FBXL13: variants seen among roughly 807,000 people sequenced by gnomAD.
The protein encoded by FBXL13 is F-box and leucine-rich repeat protein 13.
In FBXL13, 67 loss-of-function variants were observed where a neutral mutation model predicts 83.6. That is an observed-to-expected ratio of 0.80 (90% CI 0.66 to 0.98). FBXL13 has a LOEUF of 0.98. Ranked by LOEUF, FBXL13 falls within the 50% of genes least tolerant of loss-of-function variation. FBXL13 has a pLI of 0.00. For synonymous variants in FBXL13, 272 were observed against 299.5 expected (o/e 0.91, Z 0.95); for missense variants, 822 against 866.5 (o/e 0.95, Z 0.64).
At chr7:103,032,677 G>A (rs1486119595) in intron 2 of FBXL13, among the ~76,000 whole-genome samples, 1 of 152,176 alleles carries the variant, frequency 6.6e-6, no homozygotes, top group Non-Finnish European at 1.5e-5. Context: ...AGGTGTGGAG[G>A]TGGGATAACA....
chr7:102,914,928 G>C (rs1276605488), intron 10 of FBXL13, among the ~76,000 whole-genome samples: 2 of 152,068 alleles, frequency 1.3e-5, no homozygotes, highest in African/African-American at 4.8e-5. Context: ...GGCACACCAG[G>C]GTGTCATTTC....
intron 6 of FBXL13, 138 bp from the exon 8 acceptor site, chr7:102,968,255 T>C (rs1236552400): frequency 7.0e-6 from 4 of 572,386 alleles, no homozygotes; most frequent in Non-Finnish European, 1.2e-5. Flanking sequence ...ATCCATACTT[T>C]GCAAATAGCA....
exon 20 of FBXL13, chr7:102,813,466 C>T (rs1324789782): frequency 6.8e-6 from 11 of 1,614,026 alleles, no homozygotes; most frequent in Admixed American, 1.7e-5. Flanking sequence ...GCCAAACCAA[C>T]GTGGAGGGTC....
At chr7:103,005,865 A>C (rs1399573845) in intron 6 of FBXL13, among the ~76,000 whole-genome samples, 2 of 152,194 alleles carry the variant, frequency 1.3e-5, no homozygotes, top group East Asian at 3.8e-4. Flanking sequence ...CTGAAAAAAA[A>C]AGAAGAGACC....
At chr7:102,866,148 T>C (rs992484333) in intron 16 of FBXL13, among the ~76,000 whole-genome samples, 1 of 152,170 alleles carries the variant, frequency 6.6e-6, no homozygotes, top group Non-Finnish European at 1.5e-5. Context: ...GAAGGAAAAT[T>C]GGCATCTCTG....
chr7:102,891,269 C>G (rs1393340110), intron 11 of FBXL13, among the ~76,000 whole-genome samples: 1 of 152,218 alleles, frequency 6.6e-6, no homozygotes, highest in Non-Finnish European at 1.5e-5. Flanking sequence ...ATCCCCATCT[C>G]TATGGTCTGA....
At chr7:103,074,710 GA>G, upstream of FBXL13, 2 of 1,289,818 alleles carry the variant, frequency 1.6e-6, no homozygotes, top group Non-Finnish European at 2.0e-6. Context: ...CAGACCTGAG[GA>G]ATGTAGTTCT....
At chr7:102,870,120 G>C (rs977588853) in intron 16 of FBXL13, among the ~76,000 whole-genome samples, 7 of 152,114 alleles carry the variant, frequency 4.6e-5, no homozygotes, top group Admixed American at 1.3e-4. Context: ...TATTCAATTA[G>C]AGTTCTTCTT....
intron 1 of FBXL13, among the ~76,000 whole-genome samples, chr7:103,069,806 C>T (rs1000595413): frequency 4.6e-5 from 7 of 152,196 alleles, no homozygotes; most frequent in African/African-American, 9.7e-5. Context: ...GGGCTGGGCG[C>T]GGTGGCCCAC....
intron 16 of FBXL13, among the ~76,000 whole-genome samples, chr7:102,857,199 C>T (rs1806162563): frequency 6.7e-6 from 1 of 148,532 alleles, no homozygotes; most frequent in Non-Finnish European, 1.5e-5. Context: ...GCTAAGACTT[C>T]AAAACCACAG....
chr7:103,070,378 T>A (rs1798831519), intron 1 of FBXL13, among the ~76,000 whole-genome samples: 1 of 152,004 alleles, frequency 6.6e-6, no homozygotes, highest in African/African-American at 2.4e-5. Context: ...ATTACAGGCG[T>A]GCACCACACC....
chr7:102,813,106 CTAGGA>C (rs567260206), downstream of FBXL13: 5,137 of 397,272 alleles, frequency 0.013, 46 homozygotes, highest in Non-Finnish European at 0.019. Context: ...TACCAAAGTG[CTAGGA>C]TTACAGGTGT....
chr7:102,852,120 C>T (rs1259859046), intron 17 of FBXL13, among the ~76,000 whole-genome samples: 1 of 152,106 alleles, frequency 6.6e-6, no homozygotes, highest in African/African-American at 2.4e-5. Context: ...GTTCATCGCT[C>T]TCCATGTAAA....
chr7:102,958,277 A>G (rs1198770102), intron 8 of FBXL13, among the ~76,000 whole-genome samples: 1 of 152,050 alleles, frequency 6.6e-6, no homozygotes, highest in Non-Finnish European at 1.5e-5. Flanking sequence ...TCAGCAAACT[A>G]TCACAAGGAC....
chr7:103,048,828 C>CA (rs773733438), intron 2 of FBXL13, among the ~76,000 whole-genome samples: 5 of 152,142 alleles, frequency 3.3e-5, no homozygotes, highest in Non-Finnish European at 5.9e-5. Flanking sequence ...TAATTTAAAA[C>CA]AATCCTTTAA....
chr7:102,939,625 G>T, intron 8 of FBXL13: 1 of 1,549,110 alleles, frequency 6.5e-7, no homozygotes. Flanking sequence ...GGTGGCAAGT[G>T]TTCTGTGATT....
intron 1 of FBXL13, among the ~76,000 whole-genome samples, chr7:103,072,877 C>T (rs1799111199): frequency 6.6e-6 from 1 of 152,242 alleles, no homozygotes; most frequent in African/African-American, 2.4e-5. Flanking sequence ...AGCTCCCTAA[C>T]CTACTGCCTT....
At chr7:103,065,382 CTTA>C (rs1457818783) in intron 1 of FBXL13, among the ~76,000 whole-genome samples, 2 of 152,070 alleles carry the variant, frequency 1.3e-5, no homozygotes, top group Admixed American at 1.3e-4. Flanking sequence ...ATGCATAAAT[CTTA>C]TTAGTATAAT....
chr7:102,931,817 T>C, intron 9 of FBXL13, 64 bp downstream of exon 10: 3 of 1,472,160 alleles, frequency 2.0e-6, no homozygotes, highest in Admixed American at 1.8e-5. Flanking sequence ...ATTCTGCATA[T>C]TGGCACCCCA....
Sources: allele counts gnomAD v4.1 joint callset (sites outside exome capture counted in the v4.1 genomes callset), GRCh38; gene constraint gnomAD v4.1.1; transcripts MANE v1.5; gene names NCBI Gene and HGNC (gene_info 2026-07-23, HGNC 2026-07-21).